The following NAV2 variants were observed in gnomAD, a reference collection of about 807,000 sequenced individuals.
The protein encoded by NAV2 is neuron navigator 2, also known as helicase, APC down-regulated 1.
Under a neutral mutation model 223.2 loss-of-function variants are expected in NAV2, and 54 were observed. The ratio of observed to expected loss-of-function variants is 0.24; its 90% CI spans 0.19 to 0.30. NAV2 has a LOEUF of 0.30. Among genes scored for constraint, NAV2 ranks in the 10% least tolerant of loss-of-function variants. The pLI is 1.00. For missense variants in NAV2, 2,806 were observed against 3,147.5 expected, an observed-to-expected ratio of 0.89 and a Z score of 2.60; for synonymous variants, 1,279 against 1,239.3, an observed-to-expected ratio of 1.03 and a Z score of -0.67.
intron 8 of NAV2, among the ~76,000 whole-genome samples, chr11:19,945,305 CATCT>C (rs1761616849): frequency 1.3e-5 from 2 of 149,322 alleles, no homozygotes; most frequent in Admixed American, 6.7e-5. Context: ...CTGTCTTTCT[CATCT>C]TTCTTTCCTC....
intron 1 of NAV2, among the ~76,000 whole-genome samples, chr11:19,580,512 A>G (rs1420188437): frequency 6.6e-6 from 1 of 152,168 alleles, no homozygotes; most frequent in Non-Finnish European, 1.5e-5. Flanking sequence ...GCAAAGCACC[A>G]GTCCCACTCC....
intron 4 of NAV2, among the ~76,000 whole-genome samples, chr11:19,871,737 T>C (rs1206516613): frequency 6.6e-6 from 1 of 152,120 alleles, no homozygotes; most frequent in African/African-American, 2.4e-5. Flanking sequence ...AGACAGTCTC[T>C]CTCCGGTTCT....
chr11:19,385,165 G>T (rs1017416269), intron 1 of NAV2, among the ~76,000 whole-genome samples: 1 of 152,186 alleles, frequency 6.6e-6, no homozygotes, highest in Non-Finnish European at 1.5e-5. Context: ...GCTAAAATAC[G>T]AGAGTCTAAC....
At chr11:19,395,487 T>C (rs1463510315) in intron 1 of NAV2, among the ~76,000 whole-genome samples, 1 of 152,248 alleles carries the variant, frequency 6.6e-6, no homozygotes, top group African/African-American at 2.4e-5. Context: ...GGGCAGTACC[T>C]GTAGCTTGTC....
At chr11:19,586,874 G>A (rs574106654) in intron 1 of NAV2, among the ~76,000 whole-genome samples, 17 of 152,332 alleles carry the variant, frequency 1.1e-4, no homozygotes, top group East Asian at 3.9e-4. Flanking sequence ...CTCCAGCTGC[G>A]TGCTGTGGGA....
intron 1 of NAV2, among the ~76,000 whole-genome samples, chr11:19,633,798 G>A (rs1337900579): frequency 6.6e-6 from 1 of 152,236 alleles, no homozygotes; most frequent in Non-Finnish European, 1.5e-5. Flanking sequence ...AGTGCACTGG[G>A]AGGACCCCTG....
At chr11:20,010,756 G>A (rs1164130719) in intron 11 of NAV2, among the ~76,000 whole-genome samples, 1 of 152,180 alleles carries the variant, frequency 6.6e-6, no homozygotes, top group Non-Finnish European at 1.5e-5. Context: ...GGCTACTTAA[G>A]ATACATTACA....
intron 11 of NAV2, among the ~76,000 whole-genome samples, chr11:20,022,386 C>T (rs1446526391): frequency 6.6e-6 from 1 of 152,186 alleles, no homozygotes; most frequent in Non-Finnish European, 1.5e-5. Context: ...GTAGCCATGC[C>T]TAGACTGAGA....
chr11:19,802,538 G>A (rs1453253148), intron 1 of NAV2, among the ~76,000 whole-genome samples: 22 of 152,086 alleles, frequency 1.4e-4, no homozygotes, highest in Non-Finnish European at 5.9e-5. Flanking sequence ...GGTTTTGGAT[G>A]AGTTATTATT....
At chr11:19,968,448 G>C (rs918862195) in intron 10 of NAV2, among the ~76,000 whole-genome samples, 6 of 152,236 alleles carry the variant, frequency 3.9e-5, no homozygotes, top group East Asian at 1.9e-4. Context: ...TCGATCTCCT[G>C]ACCTCAGGTG....
At chr11:19,978,131 G>GC (rs147345006) in intron 10 of NAV2, among the ~76,000 whole-genome samples, 7,206 of 150,522 alleles carry the variant, frequency 0.048, 556 homozygotes, top group African/African-American at 0.16. Flanking sequence ...AGCAAGGTCA[G>GC]TTTTTTTTTC....
At chr11:19,787,306 G>A (rs1156976519) in intron 1 of NAV2, among the ~76,000 whole-genome samples, 1 of 133,436 alleles carries the variant, frequency 7.5e-6, no homozygotes, top group African/African-American at 2.9e-5. Context: ...TTTGGAGATG[G>A]GGTCTCAGCA....
intron 1 of NAV2, among the ~76,000 whole-genome samples, chr11:19,567,345 C>T (rs1193997222): frequency 3.9e-5 from 6 of 152,180 alleles, no homozygotes; most frequent in Admixed American, 6.5e-5. Flanking sequence ...AGGGGACAAC[C>T]GACCCACTAG....
chr11:20,023,636 G>A lies in NAV2; in HGVS notation c.2769-12323G>A, dbSNP rs148315832. On this transcript the variant is annotated intron_variant, in intron 11 of 37. Coordinates refer to ENST00000349880, the MANE Select transcript of NAV2 (RefSeq NM_145117.5). ...CTGATTAAAAAGACTTGCAGTTGGAGGTTTTGTTTGGAATTTAAGGATCCT... is the reference window on the plus strand; with the variant it reads ...CTGATTAAAAAGACTTGCAGTTGGAAGTTTTGTTTGGAATTTAAGGATCCT... 9.0e-3 allele frequency among the ~76,000 whole-genome samples: 1,361 copies of A among 151,782 alleles called. 17 individuals carry two copies. Among genetic ancestry groups the A allele is most frequent in the African/African-American group, 0.03 (1,251 of 41,354 alleles).
chr11:19,492,282 A>T (rs547119533), intron 1 of NAV2, among the ~76,000 whole-genome samples: 32 of 140,324 alleles, frequency 2.3e-4, no homozygotes, highest in Middle Eastern at 3.8e-3. Context: ...CAATTTGTTT[A>T]AAAAAAAAAA....
intron 3 of NAV2, among the ~76,000 whole-genome samples, chr11:19,860,795 G>A (rs1268607491): frequency 1.3e-5 from 2 of 152,004 alleles, no homozygotes; most frequent in Admixed American, 6.5e-5. Flanking sequence ...TCGGGAGGCC[G>A]AGGCTGGCGG....
intron 6 of NAV2, among the ~76,000 whole-genome samples, chr11:19,926,340 G>A (rs1249992574): frequency 6.6e-6 from 1 of 152,106 alleles, no homozygotes; most frequent in Non-Finnish European, 1.5e-5. Context: ...TCCATTCTTT[G>A]TTTGTCCTCG....
chr11:19,884,965 A>G lies in NAV2; in HGVS notation c.770+4838A>G, dbSNP rs2063440476. Among the ~76,000 whole-genome samples the G allele has an allele frequency of 2.6e-5, 4 of 152,182 alleles. No individual in the cohort carries two copies. The South Asian group carries it at 8.3e-4, about 32-fold the overall frequency. ...GACCGCCTCAGTTCCCTGAAAATAA[A>G]AAACAGGCTTGCTCACAAGCTAGTT... On this transcript the variant is annotated intron_variant, in intron 5 of 37. Transcript: ENST00000349880.
At chr11:19,735,092 G>A (rs1056955008) in intron 1 of NAV2, among the ~76,000 whole-genome samples, 2 of 152,222 alleles carry the variant, frequency 1.3e-5, no homozygotes, top group Non-Finnish European at 2.9e-5. Flanking sequence ...ATCAGAGAAG[G>A]TCTGTAAGGT....
Sources: gnomAD v4.1 joint callset for allele counts (sites outside exome capture counted in the v4.1 genomes callset) on GRCh38, gnomAD v4.1.1 for gene constraint, MANE v1.5 for transcripts, NCBI Gene and HGNC (gene_info 2026-07-23, HGNC 2026-07-21) for gene names.